The following TRIM66 variants were observed in gnomAD, a reference collection of about 807,000 sequenced individuals.
The protein encoded by TRIM66 is tripartite motif-containing protein 66.
In TRIM66, 99 loss-of-function variants were observed where a neutral mutation model predicts 148.2. The ratio of observed to expected loss-of-function variants is 0.67; its 90% CI spans 0.57 to 0.79. The LOEUF is 0.79. Ranked by LOEUF, TRIM66 falls within the 30% of genes least tolerant of loss-of-function variation. The pLI, the probability that TRIM66 is intolerant of heterozygous loss-of-function variation, is 0.00. For missense variants in TRIM66, 1,666 were observed against 1,697.9 expected (o/e 0.98, Z 0.33); for synonymous variants, 616 against 635.9 (o/e 0.97, Z 0.47).
chr11:8,678,742 A>G (rs1221884717), intron 3 of TRIM66, among the ~76,000 whole-genome samples: 3 of 152,216 alleles, frequency 2.0e-5, no homozygotes, highest in East Asian at 3.8e-4. Flanking sequence ...AAAGATGGAG[A>G]GCAAGAAAAC....
upstream of TRIM66, chr11:8,682,982 A>T (rs1592234034): frequency 1.0e-6 from 1 of 1,003,218 alleles, no homozygotes; most frequent in Non-Finnish European, 1.5e-6. Context: ...GGGCTCCCGG[A>T]GCCGTGTGTT....
intron 5 of TRIM66, 61 bp from the exon 6 acceptor site, chr11:8,672,159 C>G: frequency 2.6e-6 from 4 of 1,531,408 alleles, no homozygotes; most frequent in Non-Finnish European, 3.5e-6. Flanking sequence ...AATCTTAGGC[C>G]AGAGGGGCCT....
At chr11:8,652,446 A>C (rs2037440392) in intron 6 of TRIM66, among the ~76,000 whole-genome samples, 1 of 152,088 alleles carries the variant, frequency 6.6e-6, no homozygotes, top group East Asian at 1.9e-4. Flanking sequence ...TACAGCATAT[A>C]CCAGTCAGTC....
Position 8,617,706 on chromosome 11 carries a change from T to G in TRIM66, c.*238A>C, listed in dbSNP as rs1043651932. 2 of 519,784 alleles carry G rather than the reference T, an allele frequency of 3.8e-6. No homozygotes were observed. Among genetic ancestry groups the G allele is most frequent in the African/African-American group, 3.8e-5 (2 of 52,708 alleles). 32.2% of individuals were successfully genotyped at this position (519,784 alleles called of 1,614,324 possible). A position where few individuals can be genotyped will look rare whatever the true frequency, so the allele number is the denominator to read the frequency against. ...GTCAAGTGGAGCCTATACATCTGAT[T>G]ACTCTGGTAATAATAAATACCTTCC... On this transcript the variant is annotated 3_prime_UTR_variant, in exon 25 of 25. Transcript: ENST00000646038.
At chr11:8,681,133 A>G (rs1451067945) in intron 1 of TRIM66, among the ~76,000 whole-genome samples, 2 of 138,296 alleles carry the variant, frequency 1.4e-5, no homozygotes. Flanking sequence ...AGAATTTTGG[A>G]ATTTTTTTTT....
At chr11:8,658,909 G>A in intron 6 of TRIM66, 2 of 573,476 alleles carry the variant, frequency 3.5e-6, no homozygotes, top group Non-Finnish European at 4.4e-6. Context: ...AGTTGCCATA[G>A]TGACCAATTG....
At position 8,616,881 on chromosome 11, in the gene TRIM66, ACTCACTTCTGATCTTTGG is replaced by A. The variant is rs1203372920; in HGVS notation, c.*1045_*1062del. The A allele has an allele frequency of 5.3e-5, 8 of 152,112 alleles. No individual in the cohort carries two copies. The highest frequency in any genetic ancestry group is 1.9e-4 in the East Asian group (1 of 5,176). 9.4% of individuals were successfully genotyped at this position (152,112 alleles called of 1,614,324 possible). A position where few individuals can be genotyped will look rare whatever the true frequency, so the allele number is the denominator to read the frequency against. On this transcript the variant is annotated 3_prime_UTR_variant, in exon 25 of 25. Coordinates refer to ENST00000646038, the MANE Select transcript of TRIM66 (RefSeq NM_001388022.1). ...AGCCTGGAGGCGGGCTGGTCAGAAG[ACTCACTTCTGATCTTTGG>A]CTCATGAACTTGGAGAGGTTGAGAA...
At chr11:8,646,377 G>A in intron 11 of TRIM66, 70 bp downstream of exon 11, 1 of 1,285,552 alleles carries the variant, frequency 7.8e-7, no homozygotes, top group Non-Finnish European at 1.1e-6. Flanking sequence ...GGCTTCCCTA[G>A]GTCCTGGGAC....
In TRIM66 at chr11:8,651,877, G is replaced by A. The variant is rs373146622; in HGVS notation, c.367C>T (p.Arg123Ter). 296 of 1,551,586 alleles carry A rather than the reference G, an allele frequency of 1.9e-4. No individual in the cohort carries two copies. The highest frequency in any genetic ancestry group is 1.4e-3 in the South Asian group (118 of 84,042). The stretch of plus-strand genomic sequence containing the variant: ...GTTACATCCCTGGTAAGATATACTC[G>A]TTCACACCCAGGACAGGAGATGAGC... ...DELISCPGCERVYLTRDVTEH... is the reference protein window; with the variant it reads ...DELISCPGCE The change falls in exon 7 of 25, where the codon CGA becomes TGA. Residue 123 changes from arginine (R) to a stop codon, truncating the protein, a stop_gained. Coordinates refer to ENST00000646038, the MANE Select transcript of TRIM66 (RefSeq NM_001388022.1). LOFTEE classifies it high-confidence loss of function.
At chr11:8,683,170 T>A, upstream of TRIM66, 1 of 1,611,034 alleles carries the variant, frequency 6.2e-7, no homozygotes, top group Non-Finnish European at 8.5e-7. Context: ...CCCTAATTCC[T>A]TAGGCCTTAC....
intron 15 of TRIM66, among the ~76,000 whole-genome samples, chr11:8,636,972 TTC>T (rs1394756168): frequency 6.6e-6 from 1 of 152,156 alleles, no homozygotes; most frequent in Non-Finnish European, 1.5e-5. Context: ...GCCCCAGGCT[TTC>T]TCTCACTTCT....
rs979080685 is a variant in TRIM66, at chr11:8,622,316, T to C, written c.3081-497A>G. ...GTATATATATATGTGTGTGTGTATATATATGGAAGTACACACACACACAAC... is the reference window on the plus strand; with the variant it reads ...GTATATATATATGTGTGTGTGTATACATATGGAAGTACACACACACACAAC... On this transcript the variant is annotated intron_variant, in intron 18 of 24. Coordinates refer to ENST00000646038, the MANE Select transcript of TRIM66 (RefSeq NM_001388022.1). Among the ~76,000 whole-genome samples, 41 of 120,454 alleles carry C rather than the reference T, an allele frequency of 3.4e-4. 2 individuals are homozygous for C. The highest frequency in any genetic ancestry group is 6.9e-4 in the Non-Finnish European group (39 of 56,502). The allele number at this position is 120,454 out of a possible 152,430, so 79.0% of individuals were successfully genotyped here. A position where few individuals can be genotyped will look rare whatever the true frequency, so the allele number is the denominator to read the frequency against.
intron 13 of TRIM66, among the ~76,000 whole-genome samples, chr11:8,642,552 G>A (rs1294802301): frequency 2.0e-5 from 3 of 152,012 alleles, no homozygotes; most frequent in African/African-American, 2.4e-5. Flanking sequence ...ATCTCAACTC[G>A]AAAGGATATG....
intron 15 of TRIM66, among the ~76,000 whole-genome samples, chr11:8,628,636 A>AAAAAAAAAAAACAAAAAAAGAGAGAG (rs1555042270): frequency 1.1e-5 from 1 of 93,340 alleles, no homozygotes; most frequent in Non-Finnish European, 2.3e-5. Context: ...AAAAAAAAAA[A>AAAAAAAAAAAACAAAAAAAGAGAGAG]AGAGAGAGAA....
At chr11:8,682,798 C>T (rs200718713), upstream of TRIM66, 31 of 1,613,426 alleles carry the variant, frequency 1.9e-5, 1 homozygote, top group South Asian at 8.8e-5. Context: ...CTTCCTTTTT[C>T]GTCTGGGCTG....
chr11:8,660,974 G>C (rs1333461651), intron 6 of TRIM66, among the ~76,000 whole-genome samples: 1 of 152,246 alleles, frequency 6.6e-6, no homozygotes, highest in Non-Finnish European at 1.5e-5. Context: ...ATTATGAAAA[G>C]ACTTGGAGGC....
intron 6 of TRIM66, among the ~76,000 whole-genome samples, chr11:8,663,909 A>G (rs1460493360): frequency 1.3e-5 from 2 of 152,204 alleles, no homozygotes; most frequent in Non-Finnish European, 2.9e-5. Context: ...ACTCACGTAG[A>G]ATCTAAAAAA....
chr11:8,683,039 G>A (rs184816442), upstream of TRIM66: 3 of 855,658 alleles, frequency 3.5e-6, no homozygotes, highest in South Asian at 1.7e-5. Context: ...CTGCGCTACC[G>A]TGGTGAGACC....
intron 10 of TRIM66, among the ~76,000 whole-genome samples, chr11:8,647,337 C>A (rs927043794): frequency 6.6e-6 from 1 of 152,182 alleles, no homozygotes; most frequent in Non-Finnish European, 1.5e-5. Flanking sequence ...GACCTACCAT[C>A]TAAACCCAGC....
Sources: gnomAD v4.1 joint callset for allele counts (sites outside exome capture counted in the v4.1 genomes callset) on GRCh38, gnomAD v4.1.1 for gene constraint, MANE v1.5 for transcripts, NCBI Gene and HGNC (gene_info 2026-07-23, HGNC 2026-07-21) for gene names.